Variants in BRINP3 observed in about 807,000 individuals in gnomAD.
The protein encoded by BRINP3 is BMP/retinoic acid inducible neural specific 3.
In BRINP3, 19 loss-of-function variants were observed where a neutral mutation model predicts 71.0. The observed-to-expected ratio is 0.27, with a 90% CI of 0.19 to 0.39. The LOEUF (loss-of-function observed/expected upper bound fraction) is 0.39. Ranked by LOEUF, BRINP3 falls within the 10% of genes least tolerant of loss-of-function variation. The probability of loss-of-function intolerance (pLI) is 1.00; values close to 1 mark genes in which losing one functional copy is unlikely to be tolerated. For synonymous variants in BRINP3, 380 were observed against 337.7 expected, an observed-to-expected ratio of 1.13 and a Z score of -1.37; for missense variants, 959 against 940.8, an observed-to-expected ratio of 1.02 and a Z score of -0.25.
rs940769041 is a variant in BRINP3, at chr1:190,477,519, C to T, written c.-122G>A. ...AGGATTCAAATAGATATTCCATGAT[C>T]TTCCAAATCAAGGTAAAGTAGTGAG... On this transcript the variant is annotated 5_prime_UTR_variant, in exon 1 of 8. Coordinates refer to ENST00000367462, the MANE Select transcript of BRINP3 (RefSeq NM_199051.3). 3 of 152,182 alleles carry T rather than the reference C, an allele frequency of 2.0e-5. No individual in the cohort carries two copies. Among genetic ancestry groups the T allele is most frequent in the Admixed American group, 1.3e-4 (2 of 15,266 alleles). The allele number at this position is 152,182 out of a possible 1,614,324, so 9.4% of individuals were successfully genotyped here.
intron 6 of BRINP3, among the ~76,000 whole-genome samples, chr1:190,167,377 G>T (rs1172280178): frequency 6.6e-6 from 1 of 152,118 alleles, no homozygotes; most frequent in Non-Finnish European, 1.5e-5. Flanking sequence ...TGCCCACCTA[G>T]AATGAAGTGT....
At chr1:190,152,553 A>G (rs1435756847) in intron 7 of BRINP3, among the ~76,000 whole-genome samples, 4 of 103,398 alleles carry the variant, frequency 3.9e-5, no homozygotes, top group Non-Finnish European at 8.2e-5. Context: ...CCCCCCAAAA[A>G]AGCAAAGCCT....
intron 1 of BRINP3, among the ~76,000 whole-genome samples, chr1:190,456,710 C>T (rs1011223834): frequency 6.6e-6 from 1 of 151,930 alleles, no homozygotes; most frequent in Non-Finnish European, 1.5e-5. Context: ...TTGTTAAACA[C>T]ACTATTTTTA....
chr1:190,156,123 A>G (rs1475722663), intron 7 of BRINP3, among the ~76,000 whole-genome samples: 1 of 152,144 alleles, frequency 6.6e-6, no homozygotes, highest in Non-Finnish European at 1.5e-5. Flanking sequence ...TTTATGTCGC[A>G]TGAATTCCTC....
chr1:190,154,474 T>C (rs933692060), intron 7 of BRINP3, among the ~76,000 whole-genome samples: 1 of 152,138 alleles, frequency 6.6e-6, no homozygotes, highest in African/African-American at 2.4e-5. Flanking sequence ...AAATAAGACA[T>C]TTTTCTTTTG....
chr1:190,333,075 T>A (rs1460052591), intron 2 of BRINP3, among the ~76,000 whole-genome samples: 1 of 151,986 alleles, frequency 6.6e-6, no homozygotes, highest in Admixed American at 6.6e-5. Context: ...TAACAAGTAC[T>A]ACCAACATTT....
intron 2 of BRINP3, among the ~76,000 whole-genome samples, chr1:190,452,711 C>T (rs1348141072): frequency 6.6e-6 from 1 of 152,118 alleles, no homozygotes. Context: ...CAAAAATTAG[C>T]TGGGCGCGGT....
chr1:190,319,746 A>C (rs1305055836), intron 2 of BRINP3, among the ~76,000 whole-genome samples: 1 of 152,006 alleles, frequency 6.6e-6, no homozygotes. Flanking sequence ...GTGTCAAACC[A>C]TGAGAAACTA....
intron 2 of BRINP3, among the ~76,000 whole-genome samples, chr1:190,393,577 C>T (rs1455180784): frequency 6.6e-6 from 1 of 151,504 alleles, no homozygotes; most frequent in Non-Finnish European, 1.5e-5. Flanking sequence ...TTTTAATGAA[C>T]TGATAAACAT....
chr1:190,148,851 C>T lies in BRINP3; in HGVS notation c.1184+11817G>A, dbSNP rs566862690. On this transcript the variant is annotated intron_variant, in intron 7 of 7. Transcript: ENST00000367462. The stretch of plus-strand genomic sequence containing the variant: ...TGCATGAATTTAATACTTTCTCAAA[C>T]TTTTCAATGATGACAGATTGGGAAG... Among the ~76,000 whole-genome samples the T allele has an allele frequency of 5.3e-5, 8 of 152,092 alleles. No homozygotes were observed. The East Asian group carries it at 1.5e-3, about 29-fold the overall frequency.
intron 6 of BRINP3, among the ~76,000 whole-genome samples, chr1:190,221,340 T>C (rs1656874860): frequency 6.6e-6 from 1 of 152,220 alleles, no homozygotes. Context: ...CTTAGTTTGT[T>C]ATCCAAGGTA....
intron 1 of BRINP3, among the ~76,000 whole-genome samples, chr1:190,457,919 TAA>T (rs775536383): frequency 3.6e-5 from 5 of 138,828 alleles, no homozygotes; most frequent in Admixed American, 7.3e-5. Context: ...ATCCCCTCAT[TAA>T]AAAAAAAAAA....
rs1381049282 is a variant in BRINP3, at chr1:190,408,152, G to C, written c.236+46503C>G. ...TTCTCCTGCCTCAACCTCCGGAGTA[G>C]CTGGGACTACAGGCGCCCGCCACCA... is the stretch of plus-strand genomic sequence containing the variant. On this transcript the variant is annotated intron_variant, in intron 2 of 7. Transcript: ENST00000367462. 2.0e-5 allele frequency among the ~76,000 whole-genome samples: 3 copies of C among 150,402 alleles called. No individual in the cohort carries two copies. In the East Asian group the frequency reaches 5.9e-4, roughly 30 times the overall value.
chr1:190,439,329 GT>G lies in BRINP3; in HGVS notation c.236+15325del, dbSNP rs1048117249. On this transcript the variant is annotated intron_variant, in intron 2 of 7. Coordinates refer to ENST00000367462, the MANE Select transcript of BRINP3 (RefSeq NM_199051.3). The stretch of plus-strand genomic sequence containing the variant: ...GGGTATATTAATTAATTAATATAAT[GT>G]TTTTTTATATAACCTCAGTACCTTA... 1.5e-4 allele frequency among the ~76,000 whole-genome samples: 23 copies of G among 149,188 alleles called. No homozygotes were observed. The East Asian group carries it at 3.7e-3, about 24-fold the overall frequency.
At chr1:190,464,982 G>T (rs1047132954) in intron 1 of BRINP3, among the ~76,000 whole-genome samples, 1 of 151,964 alleles carries the variant, frequency 6.6e-6, no homozygotes, top group Non-Finnish European at 1.5e-5. Context: ...TGTCAATACA[G>T]TCTTGTCCTA....
In BRINP3 at chr1:190,369,442, C is replaced by T. The variant is rs893095201; in HGVS notation, c.236+85213G>A. Among the ~76,000 whole-genome samples the T allele has an allele frequency of 4.6e-5, 7 of 151,784 alleles. No individual in the cohort carries two copies. In the South Asian group the frequency reaches 1.5e-3, roughly 32 times the overall value. On this transcript the variant is annotated intron_variant, in intron 2 of 7. Coordinates refer to ENST00000367462, the MANE Select transcript of BRINP3 (RefSeq NM_199051.3). ...AAGGAGGTAATCAGGTTGTACAATT[C>T]AAATAATTATTTGAATTAAAAAAGG...
At chr1:190,180,032 C>T (rs115165964) in intron 6 of BRINP3, among the ~76,000 whole-genome samples, 1,616 of 152,236 alleles carry the variant, frequency 0.011, 20 homozygotes, top group Non-Finnish European at 0.016. Flanking sequence ...TTTCCCTAAT[C>T]TTTACTGCTG....
chr1:190,403,502 T>C (rs1269353836), intron 2 of BRINP3, among the ~76,000 whole-genome samples: 1 of 152,168 alleles, frequency 6.6e-6, no homozygotes, highest in African/African-American at 2.4e-5. Context: ...AATAGCATTA[T>C]CTTAGATAAA....
chr1:190,205,861 G>A (rs538680807), intron 6 of BRINP3, among the ~76,000 whole-genome samples: 1 of 151,946 alleles, frequency 6.6e-6, no homozygotes, highest in African/African-American at 2.4e-5. Context: ...GGTACCATGG[G>A]CCTCTATTAT....
Sources: allele counts gnomAD v4.1 joint callset (sites outside exome capture counted in the v4.1 genomes callset), GRCh38; gene constraint gnomAD v4.1.1; transcripts MANE v1.5; gene names NCBI Gene and HGNC (gene_info 2026-07-23, HGNC 2026-07-21).